The following BTBD16 variants were observed in gnomAD, a reference collection of about 807,000 sequenced individuals.
BTBD16 encodes BTB/POZ domain-containing protein 16.
BTBD16 carries 66 observed loss-of-function variants against 67.4 expected under a neutral mutation model. That is an observed-to-expected ratio of 0.98 (90% confidence interval 0.80 to 1.20). The LOEUF is 1.20. BTBD16 is among the 50% of genes most tolerant of loss of function. The pLI is 0.00. For synonymous variants in BTBD16, 242 were observed against 236.4 expected (o/e 1.02, Z -0.22); for missense variants, 634 against 616.0 (o/e 1.03, Z -0.31).
intron 10 of BTBD16, among the ~76,000 whole-genome samples, chr10:122,313,540 G>A (rs764557201): frequency 2.0e-5 from 3 of 152,222 alleles, no homozygotes; most frequent in African/African-American, 4.8e-5. Context: ...TGGGATTACA[G>A]GCATGAGCCA....
At chr10:122,321,561 A>G in intron 10 of BTBD16, among the ~76,000 whole-genome samples, 1 of 152,238 alleles carries the variant, frequency 6.6e-6, no homozygotes. Flanking sequence ...TGGCTAATAT[A>G]AGATGGTATC....
rs755369048 is a variant in BTBD16 at position 122,276,942 on chromosome 10, A to G, written c.167+3A>G. On this transcript the variant is annotated splice_donor_region_variant and intron_variant, in intron 3 of 15. Coordinates refer to ENST00000260723, the MANE Select transcript of BTBD16 (RefSeq NM_144587.5). ...GAAGCTTTGAGGAACCCAGACAGGT[A>G]TGGAGACTCAAAGGTTTGTGGGAGG... 1.2e-6 allele frequency: 2 copies of G among 1,612,944 alleles called. No homozygotes were observed. Among genetic ancestry groups the G allele is most frequent in the East Asian group, 2.2e-5 (1 of 44,830 alleles).
At chr10:122,299,480 C>A (rs2142080595) in intron 9 of BTBD16, among the ~76,000 whole-genome samples, 1 of 152,192 alleles carries the variant, frequency 6.6e-6, no homozygotes, top group East Asian at 1.9e-4. Flanking sequence ...AAATCTCTCA[C>A]CCTAAATCAG....
intron 8 of BTBD16, among the ~76,000 whole-genome samples, chr10:122,298,152 T>C (rs9633734): frequency 0.56 from 85,500 of 151,978 alleles, 25,199 homozygotes; most frequent in East Asian, 0.91. Context: ...GAGGTCTAGA[T>C]TCACCTGGGT....
In BTBD16 at chr10:122,290,002, T is replaced by G. The variant is rs372211261; in HGVS notation, c.475+4T>G. On this transcript the variant is annotated splice_donor_region_variant and intron_variant, in intron 6 of 15. Transcript: ENST00000260723. Reference sequence around the variant, plus strand: ...GACCCACTGGTCACTAAAGTCGGTATGTATATACCCGTCTATATTCTGAGA... The same window carrying G: ...GACCCACTGGTCACTAAAGTCGGTAGGTATATACCCGTCTATATTCTGAGA... The G allele has an allele frequency of 1.1e-5, 18 of 1,574,232 alleles. No individual in the cohort carries two copies. The highest frequency in any genetic ancestry group is 5.1e-5 in the Admixed American group (3 of 58,804).
chr10:122,330,496 C>T (rs1364551681), intron 11 of BTBD16, among the ~76,000 whole-genome samples: 2 of 152,138 alleles, frequency 1.3e-5, no homozygotes, highest in Admixed American at 1.3e-4. Context: ...GATGGCATTT[C>T]CTTTAACAAT....
At chr10:122,304,386 T>C (rs1322245678) in intron 9 of BTBD16, among the ~76,000 whole-genome samples, 1 of 152,106 alleles carries the variant, frequency 6.6e-6, no homozygotes, top group Admixed American at 6.5e-5. Flanking sequence ...GAAGCGGTGA[T>C]GTATTTTAAG....
intron 13 of BTBD16, among the ~76,000 whole-genome samples, chr10:122,333,396 T>TA (rs2096458178): frequency 6.6e-6 from 1 of 152,192 alleles, no homozygotes; most frequent in African/African-American, 2.4e-5. Flanking sequence ...TTTACCTCAC[T>TA]AAGGAACATG....
intron 5 of BTBD16, 197 bp downstream of exon 5, chr10:122,286,445 T>C: frequency 2.3e-6 from 1 of 436,572 alleles, no homozygotes; most frequent in Non-Finnish European, 3.0e-6. Flanking sequence ...AGGATGCGGC[T>C]TTGAAGAGTA....
intron 7 of BTBD16, chr10:122,293,974 C>T (rs1329594345): frequency 8.9e-6 from 2 of 224,042 alleles, no homozygotes; most frequent in Non-Finnish European, 1.5e-5. Flanking sequence ...CCTCCTTTCC[C>T]CTCCCCCCAC....
chr10:122,304,555 T>TG (rs2096399871), intron 9 of BTBD16, among the ~76,000 whole-genome samples: 2 of 145,196 alleles, frequency 1.4e-5, no homozygotes, highest in African/African-American at 2.6e-5. Flanking sequence ...GTATTCTTTT[T>TG]TTTTTTTTTT....
At chr10:122,281,018 G>A (rs2096351825) in intron 3 of BTBD16, among the ~76,000 whole-genome samples, 1 of 152,054 alleles carries the variant, frequency 6.6e-6, no homozygotes, top group Non-Finnish European at 1.5e-5. Flanking sequence ...TGTTGCCCAG[G>A]CTGGTCTCAA....
chr10:122,337,968 T>A (rs560184814), intron 15 of BTBD16, 49 bp from the exon 16 acceptor site: 1 of 1,497,350 alleles, frequency 6.7e-7, no homozygotes, highest in South Asian at 1.2e-5. Flanking sequence ...GGGGGGCAAT[T>A]GTGTTCATCC....
chr10:122,285,173 G>A (rs2096361242), intron 4 of BTBD16, among the ~76,000 whole-genome samples: 1 of 152,094 alleles, frequency 6.6e-6, no homozygotes, highest in Non-Finnish European at 1.5e-5. Flanking sequence ...TTCAGGTCCT[G>A]TCTGGCACTC....
intron 12 of BTBD16, 31 bp downstream of exon 12, chr10:122,331,289 G>A: frequency 6.2e-7 from 1 of 1,603,756 alleles, no homozygotes; most frequent in South Asian, 1.1e-5. Flanking sequence ...GGACACAGTT[G>A]TCGAAGTTTA....
chr10:122,273,221 G>T (rs887911144), intron 1 of BTBD16, among the ~76,000 whole-genome samples: 4 of 129,478 alleles, frequency 3.1e-5, no homozygotes, highest in East Asian at 2.3e-4. Flanking sequence ...GCAACACAAA[G>T]ATATATATAT....
chr10:122,305,914 T>C (rs1443685305), intron 9 of BTBD16, among the ~76,000 whole-genome samples: 1 of 152,240 alleles, frequency 6.6e-6, no homozygotes, highest in African/African-American at 2.4e-5. Flanking sequence ...GCAAATGACA[T>C]GCCTTCACTC....
chr10:122,299,223 C>A, intron 9 of BTBD16, 89 bp downstream of exon 9: 1 of 1,456,890 alleles, frequency 6.9e-7, no homozygotes, highest in Non-Finnish European at 9.3e-7. Flanking sequence ...CTGATGGAGG[C>A]TGCACCCCCA....
intron 15 of BTBD16, 81 bp from the exon 16 acceptor site, chr10:122,337,936 A>T: frequency 1.7e-6 from 2 of 1,160,176 alleles, no homozygotes; most frequent in Non-Finnish European, 2.5e-6. Flanking sequence ...TACAACTGTT[A>T]GTCCTTCCTC....
Sources: gnomAD v4.1 joint callset for allele counts (sites outside exome capture counted in the v4.1 genomes callset) on GRCh38, gnomAD v4.1.1 for gene constraint, MANE v1.5 for transcripts, NCBI Gene and HGNC (gene_info 2026-07-23, HGNC 2026-07-21) for gene names.